TECPR1: variants seen among roughly 807,000 people sequenced by gnomAD.
TECPR1 encodes tectonin beta-propeller repeat-containing protein 1.
A neutral mutation model predicts 162.4 loss-of-function variants in TECPR1; 122 were observed. That is an observed-to-expected ratio of 0.75 (90% CI 0.65 to 0.87). TECPR1 has a LOEUF of 0.87. Ranked by LOEUF, TECPR1 falls within the 40% of genes least tolerant of loss-of-function variation. TECPR1 has a pLI of 0.00. For synonymous variants in TECPR1, 642 were observed against 670.6 expected (o/e 0.96, Z 0.66); for missense variants, 1,432 against 1,618.2 (o/e 0.88, Z 1.97).
At position 98,229,210 on chromosome 7, in the gene TECPR1, C is replaced by T. The variant is rs1199153597; in HGVS notation, c.2283-44G>A. 3 of 1,532,786 alleles carry T rather than the reference C, an allele frequency of 2.0e-6. 1 individual carries two copies. In the South Asian group the frequency reaches 3.6e-5, roughly 18 times the overall value. The allele number at this position is 1,532,786 out of a possible 1,614,324, so 94.9% of individuals were successfully genotyped here. ...GCAGGTGGAAACCCCTCAGACCCCA[C>T]CTTCCAACCCTGCCTGGCTGCCCTT... On this transcript the variant is annotated intron_variant, in intron 15 of 25. Transcript: ENST00000447648.
rs766857504 is a variant in TECPR1 at position 98,241,311 on chromosome 7, C to T, written c.658-67G>A. On this transcript the variant is annotated intron_variant, in intron 6 of 25. Transcript: ENST00000447648. This position sits in a 1 kb window ranked among gnomAD's most constrained non-coding sequence, Gnocchi z 5.0. ...TCACACCAGCCAAGCACGGGGGTCT[C>T]GGTGTGGTAGGGGGTAGGACCCATG... 4 of 1,582,782 alleles carry T rather than the reference C, an allele frequency of 2.5e-6. No homozygotes were observed. The highest frequency in any genetic ancestry group is 3.4e-5 in the Admixed American group (2 of 58,950).
In TECPR1 at chr7:98,243,048, AC is replaced by A. The variant is rs140632430; in HGVS notation, c.657+418del. Among the ~76,000 whole-genome samples, 54 of 25,786 alleles carry A rather than the reference AC, an allele frequency of 2.1e-3. 10 individuals are homozygous for A. Among genetic ancestry groups the A allele is most frequent in the African/African-American group, 3.3e-3 (33 of 10,006 alleles). The allele number at this position is 25,786 out of a possible 152,430, so 16.9% of individuals were successfully genotyped here. The stretch of plus-strand genomic sequence containing the variant: ...CACCTATCCATCCTTCTGCCCACAC[AC>A]CCACCCATCCACCCATCCATCCACA... On this transcript the variant is annotated intron_variant, in intron 6 of 25. Transcript: ENST00000447648.
Position 98,245,046 on chromosome 7 carries a change from A to G in TECPR1, c.247T>C (p.Phe83Leu), listed in dbSNP as rs753070353. The change falls in exon 4 of 26, where the codon TTC becomes CTC. Residue 83 changes from phenylalanine to leucine, a missense_variant. By Grantham distance (22) the Phe-to-Leu change is conservative (BLOSUM62 0). Transcript: ENST00000447648. The stretch of plus-strand genomic sequence containing the variant: ...TCACTCAGCAGGAGCTTCTCACAGA[A>G]GCCGCCCATGGGATTCCAGCGCTGA... The part of the protein sequence containing the change: ...ENQRWNPMGG[F>L]CEKLLLSDRW... 9.4e-6 allele frequency: 15 copies of G among 1,594,648 alleles called. No individual in the cohort carries two copies. The East Asian group carries it at 3.2e-4, about 34-fold the overall frequency.
chr7:98,241,199 A>G lies in TECPR1; in HGVS notation c.703T>C (p.Ser235Pro), dbSNP rs757973845. 6.2e-7 allele frequency: 1 copy of G among 1,612,862 alleles called. No individual in the cohort carries two copies. The highest frequency in any genetic ancestry group is 8.5e-7 in the Non-Finnish European group (1 of 1,179,832). ...CCGGGGGTGTCCAGCAGGGACCAGG[A>G]GGACCCTTCGGGGTTGGAGTGGCTG... ...DVSHSNPEGS[S>P]WSLLDTPGEV... Residue 235 changes from serine (S) to proline (P), a missense_variant, in exon 7 of 26, where the codon TCC (serine) becomes CCC (proline). Transcript: ENST00000447648. This position sits in a 1 kb window ranked among gnomAD's most constrained non-coding sequence, Gnocchi z 5.0.
Position 98,233,478 on chromosome 7 carries a change from C to A in TECPR1, c.1615G>T (p.Gly539Ter). 1 of 1,488,030 alleles carries A rather than the reference C, an allele frequency of 6.7e-7. No homozygotes were observed. Among genetic ancestry groups the A allele is most frequent in the Non-Finnish European group, 8.9e-7 (1 of 1,121,408 alleles). 92.2% of individuals were successfully genotyped at this position (1,488,030 alleles called of 1,614,324 possible). The change falls in exon 11 of 26, where the codon GGA becomes TGA. Residue 539 changes from glycine to a stop codon, truncating the protein, a stop_gained. Coordinates refer to ENST00000447648, the MANE Select transcript of TECPR1 (RefSeq NM_015395.3). LOFTEE classifies it high-confidence loss of function. ...DDHPLWAWVS[G>*]GGCVVEACAM... The stretch of plus-strand genomic sequence containing the variant: ...CATGCCTCCACCACGCAGCCGCCTC[C>A]CGACACCCAGGCCCACAGCGGGTGG...
Position 98,232,871 on chromosome 7 carries a change from G to C in TECPR1, c.1774C>G (p.Arg592Gly), listed in dbSNP as rs201080633. Reference protein sequence around the residue: ...IFQQLTERTKRELENFRHYEQ... With the variant: ...IFQQLTERTKGELENFRHYEQ... ...TAGTGTCTGAAGTTCTCCAGCTCCC[G>C]CTTGGTCCTTTCCGTGAGCTGCTGG... The change falls in exon 12 of 26, where the codon CGG becomes GGG. Residue 592 changes from arginine (R) to glycine (G), a missense_variant. Physicochemically the swap from Arg to Gly is moderately radical, Grantham distance 125. Transcript: ENST00000447648. This position sits in a 1 kb window ranked among gnomAD's most constrained non-coding sequence, Gnocchi z 4.6. The C allele has an allele frequency of 6.2e-7, 1 of 1,612,368 alleles. No individual in the cohort carries two copies. Among genetic ancestry groups the C allele is most frequent in the Non-Finnish European group, 8.5e-7 (1 of 1,179,738 alleles).
chr7:98,239,567 A>T (rs1798693635), intron 8 of TECPR1, among the ~76,000 whole-genome samples: 1 of 151,792 alleles, frequency 6.6e-6, no homozygotes, highest in South Asian at 2.1e-4. Context: ...ATTAAAAAAT[A>T]AAAAAAAGAA....
rs1468711256 is a variant in TECPR1 at position 98,217,933 on chromosome 7, C to T, written c.3264+3G>A. ...GTGCCCGATACCCCCTGAGCACCCCCACCTGGTCCAGGGGCCCCACGGACA... is the reference window on the plus strand; with the variant it reads ...GTGCCCGATACCCCCTGAGCACCCCTACCTGGTCCAGGGGCCCCACGGACA... On this transcript the variant is annotated splice_donor_region_variant and intron_variant, in intron 24 of 25. Transcript: ENST00000447648. The T allele has an allele frequency of 1.3e-6, 2 of 1,552,736 alleles. No individual in the cohort carries two copies. The highest frequency in any genetic ancestry group is 2.0e-5 in the Admixed American group (1 of 51,124).
chr7:98,216,557 ACTT>A lies in TECPR1; in HGVS notation c.*830_*832del, dbSNP rs1286817250. 5.6e-5 allele frequency: 6 copies of A among 107,984 alleles called. No homozygotes were observed. The highest frequency in any genetic ancestry group is 3.1e-4 in the Admixed American group (3 of 9,746). 6.7% of individuals were successfully genotyped at this position (107,984 alleles called of 1,614,324 possible). On this transcript the variant is annotated 3_prime_UTR_variant, in exon 26 of 26. Coordinates refer to ENST00000447648, the MANE Select transcript of TECPR1 (RefSeq NM_015395.3). ...TTCCAATCTGCTGTCTCCTTCCTTC[ACTT>A]TTTTTTTTTTTTTTTTTTGAGATGG...
rs984880006 is a variant in TECPR1, at chr7:98,217,180, C to T, written c.*210G>A. 42 of 532,824 alleles carry T rather than the reference C, an allele frequency of 7.9e-5. No individual in the cohort carries two copies. Among genetic ancestry groups the T allele is most frequent in the South Asian group, 6.6e-4 (26 of 39,272 alleles). The allele number at this position is 532,824 out of a possible 1,614,324, so 33.0% of individuals were successfully genotyped here. ...CCCACACCCCGGGACTCCTCGCAGACGGGGACACGTGTGGGAGTGTCCGCG... is the reference window on the plus strand; with the variant it reads ...CCCACACCCCGGGACTCCTCGCAGATGGGGACACGTGTGGGAGTGTCCGCG... On this transcript the variant is annotated 3_prime_UTR_variant, in exon 26 of 26. Transcript: ENST00000447648.
At chr7:98,228,217 G>A (rs1206246089) in intron 16 of TECPR1, 101 bp from the exon 17 acceptor site, 17 of 935,616 alleles carry the variant, frequency 1.8e-5, no homozygotes, top group South Asian at 9.8e-5. Context: ...CGGGGAGGGC[G>A]GGCTGGAGCC....
At position 98,233,665 on chromosome 7, in the gene TECPR1, G is replaced by C; in HGVS notation, c.1428C>G (p.Pro476=). The C allele has an allele frequency of 6.3e-7, 1 of 1,599,302 alleles. No homozygotes were observed. Among genetic ancestry groups the C allele is most frequent in the Non-Finnish European group, 8.5e-7 (1 of 1,171,122 alleles). ...GCTCGGCCGGGGTGGGGGCCGGGCCGGGGTGCGTGTTGGGTCTGGCCTCCC... is the reference window on the plus strand; with the variant it reads ...GCTCGGCCGGGGTGGGGGCCGGGCCCGGGTGCGTGTTGGGTCTGGCCTCCC... ...GSREARPNTH[P]GPAPTPAELP... Residue 476 remains proline (P), a synonymous_variant, in exon 11 of 26, where the codon CCC becomes CCG. Transcript: ENST00000447648.
chr7:98,222,409 G>T lies in TECPR1; in HGVS notation c.3041C>A (p.Ser1014Tyr). ...ACCGGCTGGCTGCGAGGGGTACACG[G>T]ATCCCCGGTAGAAGGCGGAGCCGTC... Reference protein sequence around the residue: ...ARDGSAFYRGSVYPSQPAGDC... With the variant: ...ARDGSAFYRGYVYPSQPAGDC... Residue 1014 changes from serine (S) to tyrosine (Y), a missense_variant, in exon 22 of 26, where the codon TCC becomes TAC. By Grantham distance (144) the Ser-to-Tyr change is moderately radical. Coordinates refer to ENST00000447648, the MANE Select transcript of TECPR1 (RefSeq NM_015395.3). 6.3e-7 allele frequency: 1 copy of T among 1,599,794 alleles called. No homozygotes were observed. The highest frequency in any genetic ancestry group is 2.3e-5 in the East Asian group (1 of 44,238).
Position 98,223,019 on chromosome 7 carries a change from G to T in TECPR1, c.2899C>A (p.Arg967Ser). ...AVSDKGDVLCRLGVSELNPAG... is the reference protein window; with the variant it reads ...AVSDKGDVLCSLGVSELNPAG... ...GGGTTGAGCTCCGACACGCCCAGGC[G>T]GCACAGCACATCCCCCTTGTCGCTG... The change falls in exon 21 of 26, where the codon CGC (arginine) becomes AGC (serine). Residue 967 changes from arginine to serine, a missense_variant. Coordinates refer to ENST00000447648, the MANE Select transcript of TECPR1 (RefSeq NM_015395.3). 2 of 1,611,762 alleles carry T rather than the reference G, an allele frequency of 1.2e-6. No homozygotes were observed. Among genetic ancestry groups the T allele is most frequent in the Non-Finnish European group, 1.7e-6 (2 of 1,179,508 alleles).
intron 6 of TECPR1, among the ~76,000 whole-genome samples, chr7:98,242,016 T>C (rs1215952967): frequency 6.6e-6 from 1 of 152,164 alleles, no homozygotes; most frequent in Non-Finnish European, 1.5e-5. Flanking sequence ...CCTCTCTCTC[T>C]TTGCATCCAG....
Position 98,216,750 on chromosome 7 carries a change from A to C in TECPR1, c.*640T>G, listed in dbSNP as rs1798020343. The stretch of plus-strand genomic sequence containing the variant: ...TTTTTTTTTTTTGTATTTTTAGCAG[A>C]GATGGGGTTTCACCATGTTGGCCCG... On this transcript the variant is annotated 3_prime_UTR_variant, in exon 26 of 26. Transcript: ENST00000447648. 6.6e-6 allele frequency: 1 copy of C among 150,506 alleles called. No individual in the cohort carries two copies. The highest frequency in any genetic ancestry group is 1.5e-5 in the Non-Finnish European group (1 of 67,738). The allele number at this position is 150,506 out of a possible 1,614,324, so 9.3% of individuals were successfully genotyped here.
rs1366616871 is a variant in TECPR1, at chr7:98,231,979, G to T, written c.1819-20C>A. ...CACCGACTGCGCAGGCCGGGGCAGT[G>T]GACACCATCACAGGCAGGCCCGGGG... On this transcript the variant is annotated intron_variant, in intron 12 of 25. Transcript: ENST00000447648. 6.3e-7 allele frequency: 1 copy of T among 1,587,712 alleles called. No homozygotes were observed. The highest frequency in any genetic ancestry group is 1.1e-5 in the South Asian group (1 of 90,170).
chr7:98,228,496 C>T (rs758252826), intron 16 of TECPR1: 5 of 254,400 alleles, frequency 2.0e-5, no homozygotes, highest in East Asian at 8.1e-5. Flanking sequence ...CCGTGAGCCC[C>T]GGCTTCCTCA....
chr7:98,237,707 G>A (rs923271888), intron 9 of TECPR1, among the ~76,000 whole-genome samples: 2 of 152,050 alleles, frequency 1.3e-5, no homozygotes, highest in Non-Finnish European at 1.5e-5. Flanking sequence ...GACCTCAGGC[G>A]ATCCACCCAC....
Sources: allele counts gnomAD v4.1 joint callset (sites outside exome capture counted in the v4.1 genomes callset), GRCh38; gene constraint gnomAD v4.1.1; non-coding constraint Gnocchi (gnomAD v3.1); transcripts MANE v1.5; gene names NCBI Gene and HGNC (gene_info 2026-07-23, HGNC 2026-07-21).